Variants in TANC1 observed in about 807,000 individuals in gnomAD.
TANC1 encodes tetratricopeptide repeat, ankyrin repeat and coiled-coil containing 1, also known as protein TANC1.
TANC1 carries 77 observed loss-of-function variants against 149.7 expected under a neutral mutation model. The observed-to-expected ratio is 0.51, with a 90% CI of 0.43 to 0.62. The LOEUF (loss-of-function observed/expected upper bound fraction) is 0.62. Ranked by LOEUF, TANC1 falls within the 20% of genes least tolerant of loss-of-function variation. TANC1 has a pLI of 0.00. For missense variants in TANC1, 1,985 were observed against 2,321.8 expected (o/e 0.85, Z 2.98); for synonymous variants, 854 against 925.0 (o/e 0.92, Z 1.39).
chr2:159,188,265 ATGT>A (rs2057167003), intron 16 of TANC1, among the ~76,000 whole-genome samples: 1 of 152,262 alleles, frequency 6.6e-6, no homozygotes, highest in Non-Finnish European at 1.5e-5. Context: ...AGTGTATTAA[ATGT>A]TGTCATACAG....
intron 2 of TANC1, among the ~76,000 whole-genome samples, chr2:159,052,934 A>C (rs747619684): frequency 7.9e-5 from 12 of 152,194 alleles, no homozygotes; most frequent in Non-Finnish European, 1.6e-4. Context: ...ACATTTTGCT[A>C]TCTGTGTTTC....
chr2:159,191,333 G>A (rs996697362), intron 16 of TANC1, among the ~76,000 whole-genome samples: 2 of 152,174 alleles, frequency 1.3e-5, no homozygotes, highest in Non-Finnish European at 2.9e-5. Flanking sequence ...TGGTGCAGTG[G>A]ACTAAGCAGG....
intron 7 of TANC1, among the ~76,000 whole-genome samples, chr2:159,161,179 A>C (rs1168979342): frequency 6.6e-6 from 1 of 152,198 alleles, no homozygotes; most frequent in Non-Finnish European, 1.5e-5. Flanking sequence ...CCCCTGCTTG[A>C]GGTCCTAGTT....
At chr2:159,056,102 A>G in intron 2 of TANC1, 2 of 286,434 alleles carry the variant, frequency 7.0e-6, no homozygotes, top group Non-Finnish European at 1.4e-5. Context: ...TCAACGGCAC[A>G]TGAAAGCCTT....
At chr2:159,130,602 C>T (rs541054053) in intron 4 of TANC1, among the ~76,000 whole-genome samples, 25 of 152,262 alleles carry the variant, frequency 1.6e-4, no homozygotes, top group African/African-American at 5.8e-4. Context: ...GTTCTGTAGC[C>T]GCAGCCTGCT....
chr2:159,119,969 C>G (rs534567715), intron 4 of TANC1, among the ~76,000 whole-genome samples: 70 of 152,282 alleles, frequency 4.6e-4, no homozygotes, highest in African/African-American at 1.5e-3. Flanking sequence ...GCCTCTTGCT[C>G]GCAAGCCCAG....
chr2:159,112,496 T>A (rs904304341), intron 4 of TANC1, among the ~76,000 whole-genome samples: 4 of 151,788 alleles, frequency 2.6e-5, no homozygotes, highest in African/African-American at 9.7e-5. Context: ...CCTCAGGTGA[T>A]CTGCACGCCT....
intron 4 of TANC1, among the ~76,000 whole-genome samples, chr2:159,130,570 C>T (rs1224326369): frequency 6.6e-6 from 1 of 152,126 alleles, no homozygotes; most frequent in Non-Finnish European, 1.5e-5. Context: ...TGTGATGGCT[C>T]CTGACTGTGT....
intron 2 of TANC1, chr2:159,026,898 G>A (rs923732407): frequency 6.6e-6 from 1 of 152,178 alleles, no homozygotes; most frequent in African/African-American, 2.4e-5. Flanking sequence ...CAGCCTCAAA[G>A]ATCTCTGAAA....
intron 24 of TANC1, chr2:159,227,519 G>A (rs1463953458): frequency 2.9e-6 from 1 of 350,434 alleles, no homozygotes; most frequent in Non-Finnish European, 5.1e-6. Flanking sequence ...ATACCAGAAG[G>A]TAATCTGATT....
intron 4 of TANC1, among the ~76,000 whole-genome samples, chr2:159,128,598 C>T (rs532009219): frequency 3.0e-4 from 46 of 152,242 alleles, no homozygotes; most frequent in Admixed American, 1.5e-3. Flanking sequence ...TGTCTTTGGA[C>T]GGTGCCTTCT....
At chr2:159,212,704 C>T (rs570707898) in intron 19 of TANC1, among the ~76,000 whole-genome samples, 14 of 152,124 alleles carry the variant, frequency 9.2e-5, no homozygotes, top group South Asian at 6.2e-4. Flanking sequence ...GGCAGATCCA[C>T]GAGGTCAAGA....
At chr2:158,972,151 C>CT (rs2032976711) in intron 1 of TANC1, among the ~76,000 whole-genome samples, 1 of 152,134 alleles carries the variant, frequency 6.6e-6, no homozygotes, top group Non-Finnish European at 1.5e-5. Flanking sequence ...TTTTCAACTT[C>CT]TTTTTTATTA....
At chr2:159,228,423 C>A (rs1027672105) in intron 25 of TANC1, 1 of 250,438 alleles carries the variant, frequency 4.0e-6, no homozygotes, top group Non-Finnish European at 7.9e-6. Flanking sequence ...AGTAGTACTT[C>A]CTACCTTTTT....
At chr2:159,047,382 A>T (rs1016855856) in intron 2 of TANC1, among the ~76,000 whole-genome samples, 33 of 152,222 alleles carry the variant, frequency 2.2e-4, no homozygotes, top group Non-Finnish European at 2.6e-4. Flanking sequence ...AATTTCCTAA[A>T]TAAAGAAGGA....
At chr2:159,020,762 G>A (rs1029465634) in intron 2 of TANC1, among the ~76,000 whole-genome samples, 2 of 152,098 alleles carry the variant, frequency 1.3e-5, no homozygotes, top group Non-Finnish European at 2.9e-5. Flanking sequence ...AAGAGTCCAA[G>A]GTCATACATC....
intron 3 of TANC1, among the ~76,000 whole-genome samples, chr2:159,089,095 A>G (rs1276963388): frequency 6.6e-6 from 1 of 151,860 alleles, no homozygotes; most frequent in Non-Finnish European, 1.5e-5. Context: ...ACAGAGGCCG[A>G]CTCCAGGGTC....
At chr2:159,102,023 G>C (rs1368829513) in intron 4 of TANC1, among the ~76,000 whole-genome samples, 1 of 152,126 alleles carries the variant, frequency 6.6e-6, no homozygotes, top group Non-Finnish European at 1.5e-5. Flanking sequence ...TGCCTGTTTT[G>C]TTAAGGGAAA....
chr2:159,157,338 G>C (rs900156656), intron 7 of TANC1, among the ~76,000 whole-genome samples: 1 of 152,192 alleles, frequency 6.6e-6, no homozygotes, highest in Non-Finnish European at 1.5e-5. Flanking sequence ...GCCGGGCCTA[G>C]GTAGGGGTGG....
Sources: gnomAD v4.1 joint callset for allele counts (sites outside exome capture counted in the v4.1 genomes callset) on GRCh38, gnomAD v4.1.1 for gene constraint, MANE v1.5 for transcripts, NCBI Gene and HGNC (gene_info 2026-07-23, HGNC 2026-07-21) for gene names.